The following CDK19 variants were observed in gnomAD, a reference collection of about 807,000 sequenced individuals.
CDK19 encodes the protein cyclin-dependent kinase 19.
In CDK19, 20 loss-of-function variants were observed where a neutral mutation model predicts 68.3. The observed-to-expected ratio is 0.29, with a 90% confidence interval of 0.21 to 0.43. The LOEUF is 0.43. Among genes scored for constraint, CDK19 ranks in the 20% least tolerant of loss-of-function variants. The probability of loss-of-function intolerance (pLI) is 1.00; values close to 1 mark genes in which losing one functional copy is unlikely to be tolerated. For missense variants in CDK19, 339 were observed against 623.5 expected, an observed-to-expected ratio of 0.54 and a Z score of 4.86; for synonymous variants, 221 against 222.8, an observed-to-expected ratio of 0.99 and a Z score of 0.07.
chr6:110,677,088 A>C (rs936335247), intron 2 of CDK19, among the ~76,000 whole-genome samples: 3 of 152,228 alleles, frequency 2.0e-5, no homozygotes, highest in Non-Finnish European at 4.4e-5. Context: ...AGGCAAAGAA[A>C]TAGCAAACTA....
At chr6:110,754,644 TAA>T (rs1414797795) in intron 1 of CDK19, among the ~76,000 whole-genome samples, 1 of 151,988 alleles carries the variant, frequency 6.6e-6, no homozygotes, top group Non-Finnish European at 1.5e-5. Context: ...CATGCCCAGC[TAA>T]TTTTTTTGCA....
At chr6:110,797,350 G>GA (rs957265849) in intron 1 of CDK19, among the ~76,000 whole-genome samples, 36 of 150,606 alleles carry the variant, frequency 2.4e-4, no homozygotes, top group Non-Finnish European at 7.4e-5. Flanking sequence ...AAAAAAAAAA[G>GA]AAAAAAAAGG....
intron 2 of CDK19, among the ~76,000 whole-genome samples, chr6:110,734,207 G>A (rs1185126934): frequency 1.3e-5 from 2 of 151,782 alleles, no homozygotes; most frequent in African/African-American, 2.4e-5. Flanking sequence ...ATGGGGTTTC[G>A]CCATGTTGCC....
intron 2 of CDK19, among the ~76,000 whole-genome samples, chr6:110,703,279 T>C (rs888772737): frequency 6.6e-6 from 1 of 152,090 alleles, no homozygotes; most frequent in Non-Finnish European, 1.5e-5. Flanking sequence ...GACTCAAAGT[T>C]TGAAAACCAC....
chr6:110,680,825 C>T (rs1020742899), intron 2 of CDK19, among the ~76,000 whole-genome samples: 1 of 151,806 alleles, frequency 6.6e-6, no homozygotes, highest in Non-Finnish European at 1.5e-5. Flanking sequence ...GGCAAAACCC[C>T]GTCCCTACTA....
At chr6:110,699,039 G>A (rs1297668449) in intron 2 of CDK19, among the ~76,000 whole-genome samples, 5 of 133,856 alleles carry the variant, frequency 3.7e-5, no homozygotes, top group African/African-American at 1.5e-4. Flanking sequence ...GGGTGACAAA[G>A]TGAGACCCTG....
intron 1 of CDK19, among the ~76,000 whole-genome samples, chr6:110,766,685 T>C (rs998402885): frequency 3.9e-5 from 6 of 152,128 alleles, no homozygotes; most frequent in Non-Finnish European, 8.8e-5. Flanking sequence ...TACCACATTT[T>C]CACTTATGTG....
At chr6:110,783,037 A>G (rs1429581150) in intron 1 of CDK19, among the ~76,000 whole-genome samples, 1 of 152,218 alleles carries the variant, frequency 6.6e-6, no homozygotes, top group Non-Finnish European at 1.5e-5. Context: ...CTATTCCTAC[A>G]GTCTGCGGCC....
At position 110,635,541 on chromosome 6, in the gene CDK19, C is replaced by A. The variant is rs865860940; in HGVS notation, c.514+3108G>T. Among the ~76,000 whole-genome samples the A allele has an allele frequency of 2.0e-5, 3 of 152,062 alleles. No homozygotes were observed. The South Asian group carries it at 6.2e-4, about 32-fold the overall frequency. ...AAGTATCCTTTTCTTACCCACTCCC[C>A]CTCCCCCACCGCCTCCCATATGGAG... On this transcript the variant is annotated intron_variant, in intron 5 of 12. Coordinates refer to ENST00000368911, the MANE Select transcript of CDK19 (RefSeq NM_015076.5).
intron 4 of CDK19, chr6:110,646,483 C>G: frequency 6.8e-7 from 1 of 1,462,806 alleles, no homozygotes; most frequent in Non-Finnish European, 9.1e-7. Flanking sequence ...CGGAGCCCAG[C>G]TCGTTCTGTG....
chr6:110,632,013 ATT>A lies in CDK19; in HGVS notation c.646+15_646+16del, dbSNP rs1562139238. On this transcript the variant is annotated intron_variant, in intron 6 of 12. Coordinates refer to ENST00000368911, the MANE Select transcript of CDK19 (RefSeq NM_015076.5). ...TCGTTAGATGACAAGATAGTAAATCATTTTAGACCAACTTACCAATGGCCTTT... is the reference window on the plus strand; with the variant it reads ...TCGTTAGATGACAAGATAGTAAATCATTAGACCAACTTACCAATGGCCTTT... 1 of 1,593,494 alleles carries A rather than the reference ATT, an allele frequency of 6.3e-7. No homozygotes were observed. The highest frequency in any genetic ancestry group is 8.6e-7 in the Non-Finnish European group (1 of 1,167,442).
chr6:110,814,599 G>T, intron 1 of CDK19: 1 of 462,506 alleles, frequency 2.2e-6, no homozygotes, highest in South Asian at 1.5e-5. Flanking sequence ...TCAGCCGATT[G>T]GAAGTTCCAC....
chr6:110,686,280 C>T (rs1772474488), intron 2 of CDK19, among the ~76,000 whole-genome samples: 1 of 152,108 alleles, frequency 6.6e-6, no homozygotes, highest in Non-Finnish European at 1.5e-5. Context: ...TCACGAAAGT[C>T]AGAAAAGATG....
At chr6:110,654,487 T>A (rs1781173698) in intron 4 of CDK19, among the ~76,000 whole-genome samples, 2 of 152,216 alleles carry the variant, frequency 1.3e-5, no homozygotes, top group Admixed American at 1.3e-4. Context: ...GTCACAACTT[T>A]ATACGTCTGC....
chr6:110,622,521 A>G (rs150130954), intron 10 of CDK19, among the ~76,000 whole-genome samples: 298 of 152,320 alleles, frequency 2.0e-3, no homozygotes, highest in Middle Eastern at 0.01. Context: ...TCTGTTGCCT[A>G]CTGGTTTGGC....
intron 1 of CDK19, among the ~76,000 whole-genome samples, chr6:110,806,910 G>A (rs1374599511): frequency 6.6e-6 from 1 of 151,780 alleles, no homozygotes; most frequent in African/African-American, 2.4e-5. Flanking sequence ...CCTGGGAGGT[G>A]GTGGTTGCAG....
intron 2 of CDK19, among the ~76,000 whole-genome samples, chr6:110,714,559 T>C (rs937970385): frequency 1.3e-5 from 2 of 152,112 alleles, no homozygotes; most frequent in African/African-American, 4.8e-5. Flanking sequence ...TCCTCACCAA[T>C]AGTTGTTATT....
chr6:110,752,569 C>G (rs1210521370), intron 1 of CDK19, among the ~76,000 whole-genome samples: 1 of 152,206 alleles, frequency 6.6e-6, no homozygotes, highest in Non-Finnish European at 1.5e-5. Context: ...AAAAATTATG[C>G]TTTCATCCAC....
intron 8 of CDK19, among the ~76,000 whole-genome samples, chr6:110,624,958 G>C (rs1778993808): frequency 2.0e-5 from 3 of 152,138 alleles, no homozygotes. Context: ...CTATCCTATA[G>C]ATTTGCTAGG....
Sources: allele counts gnomAD v4.1 joint callset (sites outside exome capture counted in the v4.1 genomes callset), GRCh38; gene constraint gnomAD v4.1.1; transcripts MANE v1.5; gene names NCBI Gene and HGNC (gene_info 2026-07-23, HGNC 2026-07-21).